Variants in XKRX observed in about 807,000 individuals in gnomAD.
XKRX encodes the protein XK related X-linked.
In XKRX, 11 loss-of-function variants were observed where a neutral mutation model predicts 22.4. The ratio of observed to expected loss-of-function variants is 0.49; its 90% CI spans 0.31 to 0.81. XKRX has a LOEUF of 0.81. Ranked by LOEUF, XKRX falls within the 40% of genes least tolerant of loss-of-function variation. The pLI is 0.05. For missense variants in XKRX, 320 were observed against 336.5 expected (o/e 0.95, Z 0.38); for synonymous variants, 114 against 132.2 (o/e 0.86, Z 0.94).
chrX:100,935,346 C>T, the XKRX span, among the ~76,000 whole-genome samples: 2 of 110,436 alleles, frequency 1.8e-5, no homozygotes, highest in Admixed American at 9.6e-5. Context: ...AAGGATCCAT[C>T]CCTTGGACTG....
chrX:100,909,221 A>T (rs919681297), downstream of XKRX, among the ~76,000 whole-genome samples: 4 of 112,202 alleles, frequency 3.6e-5, no homozygotes, highest in African/African-American at 1.3e-4. Context: ...TCACTATCCC[A>T]GTACGAATCT....
At chrX:100,889,409 T>A in the XKRX span, among the ~76,000 whole-genome samples, 479 of 109,859 alleles carry the variant, frequency 4.4e-3, 14 homozygotes, top group East Asian at 0.1. Flanking sequence ...TTTATTTTTT[T>A]AAATTTTTTC....
the XKRX span, among the ~76,000 whole-genome samples, chrX:100,956,190 T>C: frequency 9.0e-6 from 1 of 110,923 alleles, no homozygotes; most frequent in African/African-American, 3.3e-5. Context: ...CAACATACAC[T>C]GGGCACATGT....
rs763888309 is a variant in XKRX, at chrX:100,914,463, G to A, written c.1225C>T (p.Arg409Cys). 13 of 1,211,828 alleles carry A rather than the reference G, an allele frequency of 1.1e-5. No homozygotes were observed. The East Asian group carries it at 1.5e-4, about 14-fold the overall frequency. Residue 409 changes from arginine to cysteine, a missense_variant, in exon 3 of 3, where the codon CGC (arginine) becomes TGC (cysteine). Transcript: ENST00000372956. ...ACTACATTATGGGTGAAGAGTGAGC[G>A]CAATGGATGCAAGTACTGGAAGAAA... ...LLFFQYLHPL[R>C]SLFTHNVVDY...
intron 2 of XKRX, among the ~76,000 whole-genome samples, chrX:100,922,452 G>T (rs2085477648): frequency 8.9e-6 from 1 of 111,770 alleles, no homozygotes; most frequent in Admixed American, 9.5e-5. Context: ...AGGTTTATCT[G>T]TGACATTTTT....
the XKRX span, among the ~76,000 whole-genome samples, chrX:100,938,465 C>T: frequency 9.0e-6 from 1 of 111,059 alleles, no homozygotes; most frequent in African/African-American, 3.3e-5. Context: ...CTCGTCTCTA[C>T]TAAAAACGTA....
chrX:100,896,698 C>T, the XKRX span, among the ~76,000 whole-genome samples: 1 of 111,486 alleles, frequency 9.0e-6, no homozygotes, highest in Non-Finnish European at 1.9e-5. Flanking sequence ...GGCACAGCGG[C>T]TCACGCCTGT....
intron 2 of XKRX, among the ~76,000 whole-genome samples, chrX:100,918,967 G>T (rs1241766395): frequency 9.0e-6 from 1 of 111,426 alleles, no homozygotes; most frequent in Non-Finnish European, 1.9e-5. Context: ...CTGAAAGTAA[G>T]CCTTATAAAA....
At chrX:100,947,889 A>G in the XKRX span, among the ~76,000 whole-genome samples, 1 of 110,872 alleles carries the variant, frequency 9.0e-6, no homozygotes, top group African/African-American at 3.3e-5. Context: ...ATGTATTTCA[A>G]CTGATAATAC....
chrX:100,951,454 T>TG, the XKRX span, among the ~76,000 whole-genome samples: 15 of 36,563 alleles, frequency 4.1e-4, no homozygotes, highest in Middle Eastern at 0.051. Context: ...GGGTGGGGGG[T>TG]GGGGGGGAAG....
downstream of XKRX, chrX:100,910,841 C>A: frequency 1.3e-6 from 1 of 770,213 alleles, no homozygotes; most frequent in Non-Finnish European, 2.0e-6. Context: ...AAATGATGGT[C>A]TGAAGGCTAA....
chrX:100,936,540 C>CAAAA, the XKRX span, among the ~76,000 whole-genome samples: 1,730 of 25,408 alleles, frequency 0.068, 4 homozygotes, highest in Middle Eastern at 0.2. Context: ...GACTCTGTCT[C>CAAAA]AAAAAAAAAA....
At chrX:100,956,913 C>T in the XKRX span, 4 of 914,919 alleles carry the variant, frequency 4.4e-6, no homozygotes, top group African/African-American at 1.4e-4. Context: ...TTCACAATTA[C>T]ACTGTGGTCC....
At chrX:100,936,540 C>CA in the XKRX span, among the ~76,000 whole-genome samples, 75 of 25,403 alleles carry the variant, frequency 3.0e-3, 7 homozygotes, top group South Asian at 0.025. Flanking sequence ...GACTCTGTCT[C>CA]AAAAAAAAAA....
chrX:100,889,957 T>C, the XKRX span, among the ~76,000 whole-genome samples: 6 of 112,026 alleles, frequency 5.4e-5, no homozygotes, highest in South Asian at 2.3e-3. Context: ...TGAGCCATGA[T>C]TGTGCCACTG....
At chrX:100,901,603 C>T in the XKRX span, among the ~76,000 whole-genome samples, 1 of 111,976 alleles carries the variant, frequency 8.9e-6, no homozygotes, top group African/African-American at 3.2e-5. Flanking sequence ...ATGACCTTAA[C>T]AGTACTATCA....
At chrX:100,950,573 G>T in the XKRX span, among the ~76,000 whole-genome samples, 1 of 112,224 alleles carries the variant, frequency 8.9e-6, no homozygotes, top group Non-Finnish European at 1.9e-5. Flanking sequence ...CCCACCAACA[G>T]CAGAGCAGAT....
chrX:100,900,691 TGA>T, the XKRX span, among the ~76,000 whole-genome samples: 3 of 108,960 alleles, frequency 2.8e-5, no homozygotes, highest in Non-Finnish European at 5.7e-5. Context: ...TTTCAAAGAC[TGA>T]ATCTATCATA....
the XKRX span, among the ~76,000 whole-genome samples, chrX:100,953,059 T>C: frequency 1.8e-5 from 2 of 112,166 alleles, no homozygotes; most frequent in Admixed American, 9.5e-5. Flanking sequence ...CTCAGCACTT[T>C]GGGAGGCCAA....
Sources: allele counts gnomAD v4.1 joint callset (sites outside exome capture counted in the v4.1 genomes callset), GRCh38; gene constraint gnomAD v4.1.1; transcripts MANE v1.5; gene names NCBI Gene and HGNC (gene_info 2026-07-23, HGNC 2026-07-21).